LPIN1: variants seen among roughly 807,000 people sequenced by gnomAD.
The protein encoded by LPIN1 is phosphatidate phosphatase LPIN1.
In LPIN1, 71 loss-of-function variants were observed where a neutral mutation model predicts 107.5. The observed-to-expected ratio is 0.66, with a 90% CI of 0.55 to 0.80. LPIN1 has a LOEUF of 0.80. Among genes scored for constraint, LPIN1 ranks in the 30% least tolerant of loss-of-function variants. LPIN1 has a pLI of 0.00. For synonymous variants in LPIN1, 445 were observed against 452.6 expected, an observed-to-expected ratio of 0.98 and a Z score of 0.21; for missense variants, 1,043 against 1,160.6, an observed-to-expected ratio of 0.90 and a Z score of 1.47.
At chr2:11,743,505 C>T (rs1437270371), upstream of LPIN1, among the ~76,000 whole-genome samples, 7 of 152,136 alleles carry the variant, frequency 4.6e-5, no homozygotes, top group Admixed American at 2.0e-4. This position sits in a 1 kb window ranked among gnomAD's most constrained non-coding sequence, Gnocchi z 4.7. Context: ...GGTAGTGAAG[C>T]GGCACCAGGT....
chr2:11,767,833 T>A lies in LPIN1; in HGVS notation c.263T>A (p.Phe88Tyr). The change falls in exon 3 of 21, where the codon TTT becomes TAT. Residue 88 changes from phenylalanine (F) to tyrosine (Y), a missense_variant. By Grantham distance (22) the Phe-to-Tyr change is conservative. Transcript: ENST00000674199. ...TTGGGAGATAATGGAGAAGCATTTT[T>A]TGTTCAAGAAACAGATAATGATCAG... ...MKLGDNGEAF[F>Y]VQETDNDQEV... 1 of 1,612,214 alleles carries A rather than the reference T, an allele frequency of 6.2e-7. No homozygotes were observed. Among genetic ancestry groups the A allele is most frequent in the Non-Finnish European group, 8.5e-7 (1 of 1,178,172 alleles).
intron 6 of LPIN1, among the ~76,000 whole-genome samples, chr2:11,776,666 T>C (rs565481779): frequency 6.6e-6 from 1 of 152,254 alleles, no homozygotes; most frequent in East Asian, 1.9e-4. Context: ...GTCTGAATAA[T>C]GGAGTCAGAC....
intron 9 of LPIN1, 200 bp from the exon 10 acceptor site, chr2:11,784,686 G>A: frequency 3.1e-6 from 2 of 651,274 alleles, no homozygotes; most frequent in Non-Finnish European, 5.6e-6. Flanking sequence ...GCAGCCAGCT[G>A]AGAAGTAATG....
At chr2:11,733,856 T>G (rs1452367362) in intron 1 of LPIN1, among the ~76,000 whole-genome samples, 1 of 152,186 alleles carries the variant, frequency 6.6e-6, no homozygotes, top group Non-Finnish European at 1.5e-5. Context: ...GAGCAGCACA[T>G]TGTGAGCACC....
intron 2 of LPIN1, among the ~76,000 whole-genome samples, chr2:11,718,923 G>T (rs1214457841): frequency 6.6e-6 from 1 of 152,184 alleles, no homozygotes; most frequent in Non-Finnish European, 1.5e-5. Context: ...GGTGGCTAAG[G>T]ACGCAAGGAG....
At chr2:11,760,076 C>T (rs1157344995) in intron 1 of LPIN1, among the ~76,000 whole-genome samples, 4 of 152,058 alleles carry the variant, frequency 2.6e-5, no homozygotes, top group African/African-American at 9.7e-5. Context: ...CCTCACATCC[C>T]AGACGGGGCG....
chr2:11,777,591 G>C (rs1303288877), intron 6 of LPIN1: 1 of 152,202 alleles, frequency 6.6e-6, no homozygotes, highest in African/African-American at 2.4e-5. Flanking sequence ...CCCGGGCATA[G>C]GCAGTTGGTT....
chr2:11,796,225 A>G (rs1173593848), intron 14 of LPIN1, among the ~76,000 whole-genome samples: 1 of 152,222 alleles, frequency 6.6e-6, no homozygotes, highest in Admixed American at 6.5e-5. Context: ...GGCCAGATCC[A>G]CATCTTACTC....
At position 11,819,467 on chromosome 2, in the gene LPIN1, A is replaced by G. The variant is rs1335068243; in HGVS notation, c.2403-17A>G. 1 of 1,477,974 alleles carries G rather than the reference A, an allele frequency of 6.8e-7. No homozygotes were observed. The allele number at this position is 1,477,974 out of a possible 1,614,324, so 91.6% of individuals were successfully genotyped here. On this transcript the variant is annotated splice_polypyrimidine_tract_variant and intron_variant, in intron 18 of 20. Transcript: ENST00000674199. ...GCTTAGCCTCTCATGTTAATCTGTT[A>G]TTTATTTGTTTAACAGAGAAGTGAT... is the stretch of plus-strand genomic sequence containing the variant.
chr2:11,747,090 G>A (rs1667072707), intron 1 of LPIN1, among the ~76,000 whole-genome samples: 1 of 152,238 alleles, frequency 6.6e-6, no homozygotes, highest in African/African-American at 2.4e-5. Flanking sequence ...CGGGGACTGG[G>A]ATGAGAGCCT....
At chr2:11,775,949 ATATTATATATACTTTATATAATC>A (rs1405482021) in intron 5 of LPIN1, 114 bp from the exon 6 acceptor site, 10 of 217,954 alleles carry the variant, frequency 4.6e-5, no homozygotes, top group African/African-American at 2.4e-4. Context: ...TCTTTAAAGT[ATATTATATATACTTTATATAATC>A]TTATATATAA....
chr2:11,770,215 G>A (rs1177496591), intron 3 of LPIN1, among the ~76,000 whole-genome samples: 1 of 152,222 alleles, frequency 6.6e-6, no homozygotes, highest in African/African-American at 2.4e-5. Context: ...GCGTGCAGCG[G>A]GACCTGTATG....
rs766587858 is a variant in LPIN1 at position 11,788,499 on chromosome 2, TG to T, written c.1713+46del. On this transcript the variant is annotated intron_variant, in intron 12 of 20. Transcript: ENST00000674199. ...AAAGAAAAGGGGATGCTAGAAATGA[TG>T]GGTAGCTTAATCTGGGGTGGTTGGA... 2.8e-6 allele frequency: 4 copies of T among 1,435,596 alleles called. No individual in the cohort carries two copies. The South Asian group carries it at 4.6e-5, about 16-fold the overall frequency. The allele number at this position is 1,435,596 out of a possible 1,614,324, so 88.9% of individuals were successfully genotyped here.
At chr2:11,755,938 A>G (rs758307799) in intron 1 of LPIN1, among the ~76,000 whole-genome samples, 4 of 151,856 alleles carry the variant, frequency 2.6e-5, no homozygotes, top group Non-Finnish European at 4.4e-5. Flanking sequence ...AGCCAGGATG[A>G]TCTCGGTCTC....
At chr2:11,763,702 C>T (rs62113313) in intron 1 of LPIN1, among the ~76,000 whole-genome samples, 14,249 of 152,022 alleles carry the variant, frequency 0.094, 898 homozygotes, top group Middle Eastern at 0.18. Context: ...TCTCCTGGCA[C>T]GGTTTCGCAC....
intron 2 of LPIN1, among the ~76,000 whole-genome samples, chr2:11,714,568 A>G (rs1192531055): frequency 6.6e-6 from 1 of 152,072 alleles, no homozygotes; most frequent in Non-Finnish European, 1.5e-5. Flanking sequence ...CCTGCCCTGG[A>G]GCTATAGCTG....
intron 17 of LPIN1, among the ~76,000 whole-genome samples, chr2:11,811,974 A>G (rs1407315079): frequency 6.6e-6 from 1 of 151,650 alleles, no homozygotes. Flanking sequence ...ACACAGCGAG[A>G]CTCCGTCTCA....
intron 1 of LPIN1, among the ~76,000 whole-genome samples, chr2:11,759,984 G>C (rs1369092383): frequency 6.9e-6 from 1 of 144,958 alleles, no homozygotes; most frequent in Admixed American, 6.9e-5. Context: ...CCGGGCGGAG[G>C]GGCTCCTCAC....
At position 11,791,976 on chromosome 2, in the gene LPIN1, A is replaced by G. The variant is rs1440050622; in HGVS notation, c.1776A>G (p.Ser592=). The G allele has an allele frequency of 8.7e-6, 14 of 1,613,982 alleles. No homozygotes were observed. The highest frequency in any genetic ancestry group is 1.2e-5 in the Non-Finnish European group (14 of 1,179,872). The change falls in exon 13 of 21, where the codon TCA becomes TCG. Residue 592 remains serine, a synonymous_variant. Transcript: ENST00000674199. ...MPKKGGRWWF[S]WRGRNTTIKE... is the part of the protein sequence containing the mutation. ...AAAAGGGAGGAAGATGGTGGTTTTC[A>G]TGGAGGGGAAGAAACACCACAATCA...
Sources: allele counts gnomAD v4.1 joint callset (sites outside exome capture counted in the v4.1 genomes callset), GRCh38; gene constraint gnomAD v4.1.1; non-coding constraint Gnocchi (gnomAD v3.1); transcripts MANE v1.5; gene names NCBI Gene and HGNC (gene_info 2026-07-23, HGNC 2026-07-21).